The following FAM135A variants were observed in gnomAD, a reference collection of about 807,000 sequenced individuals.
FAM135A encodes the protein family with sequence similarity 135 member A, also known as protein FAM135A.
Under a neutral mutation model 146.8 loss-of-function variants are expected in FAM135A, and 79 were observed. The observed-to-expected ratio is 0.54, with a 90% CI of 0.45 to 0.65. The LOEUF is 0.65. FAM135A is among the 30% of genes least tolerant of loss of function. FAM135A has a pLI of 0.00. For missense variants in FAM135A, 1,623 were observed against 1,758.2 expected, an observed-to-expected ratio of 0.92 and a Z score of 1.38; for synonymous variants, 562 against 603.6, an observed-to-expected ratio of 0.93 and a Z score of 1.01.
intron 12 of FAM135A, among the ~76,000 whole-genome samples, chr6:70,519,436 G>A (rs1360717401): frequency 6.6e-6 from 1 of 152,224 alleles, no homozygotes; most frequent in African/African-American, 2.4e-5. Flanking sequence ...GGCGAGTCAA[G>A]AGGATTGACT....
rs34753260 is a variant in FAM135A, at chr6:70,544,108, TAAAA to T, written c.4228+5717_4228+5720del. Among the ~76,000 whole-genome samples the T allele has an allele frequency of 2.1e-5, 3 of 145,626 alleles. No individual in the cohort carries two copies. In the East Asian group the frequency reaches 6.0e-4, roughly 29 times the overall value. On this transcript the variant is annotated intron_variant, in intron 20 of 21. Coordinates refer to ENST00000418814, the MANE Select transcript of FAM135A (RefSeq NM_001162529.3). ...GTAGAGTTCAAAACTTAGTAAATGG[TAAAA>T]AAAAAAAAATGAATAAATGACTTAA...
chr6:70,449,041 T>G (rs1776452001), intron 4 of FAM135A, among the ~76,000 whole-genome samples: 7 of 152,240 alleles, frequency 4.6e-5, no homozygotes. Flanking sequence ...TTGGGAGGCC[T>G]GTTCCCAACA....
chr6:70,539,818 A>C (rs1431347897), intron 20 of FAM135A, among the ~76,000 whole-genome samples: 1 of 151,878 alleles, frequency 6.6e-6, no homozygotes, highest in African/African-American at 2.4e-5. Context: ...ACACGGTGAA[A>C]CCCCGTCTCT....
At chr6:70,430,215 T>C (rs1486287504) in intron 4 of FAM135A, among the ~76,000 whole-genome samples, 1 of 151,996 alleles carries the variant, frequency 6.6e-6, no homozygotes, top group Non-Finnish European at 1.5e-5. Flanking sequence ...TGGACGCCTG[T>C]AATCCCAGCT....
Position 70,533,179 on chromosome 6 carries a change from A to C in FAM135A, c.3795A>C (p.Arg1265=). Residue 1265 remains arginine (R), a synonymous_variant, in exon 17 of 22, where the codon CGA becomes CGC. Coordinates refer to ENST00000418814, the MANE Select transcript of FAM135A (RefSeq NM_001162529.3). ...HGLDGNSADL[R]LVKTYIELGL... is the part of the protein sequence containing the mutation. ...TTTTAGGAAACAGTGCAGATCTCCG[A>C]TTAGTAAAAACTTACATTGAACTTG... 1 of 1,612,704 alleles carries C rather than the reference A, an allele frequency of 6.2e-7. No homozygotes were observed. The highest frequency in any genetic ancestry group is 2.2e-5 in the East Asian group (1 of 44,678).
At chr6:70,539,910 G>A (rs1797539763) in intron 20 of FAM135A, among the ~76,000 whole-genome samples, 1 of 152,134 alleles carries the variant, frequency 6.6e-6, no homozygotes, top group Admixed American at 6.5e-5. Context: ...GCAGGAGAAT[G>A]GCGTGAACCT....
In FAM135A at chr6:70,514,258, C is replaced by T. The variant is rs556961927; in HGVS notation, c.1030-8255C>T. Among the ~76,000 whole-genome samples, 5 of 152,164 alleles carry T rather than the reference C, an allele frequency of 3.3e-5. No individual in the cohort carries two copies. In the East Asian group the frequency reaches 7.7e-4, roughly 24 times the overall value. Reference sequence around the variant, plus strand: ...ATTCATTAACTCTTTTCTGTAGCAACTAATCTGCTCTTAATCTCATCTAGT... The same window carrying T: ...ATTCATTAACTCTTTTCTGTAGCAATTAATCTGCTCTTAATCTCATCTAGT... On this transcript the variant is annotated intron_variant, in intron 12 of 21. Coordinates refer to ENST00000418814, the MANE Select transcript of FAM135A (RefSeq NM_001162529.3).
chr6:70,442,006 A>T (rs1774616159), intron 4 of FAM135A, among the ~76,000 whole-genome samples: 1 of 152,144 alleles, frequency 6.6e-6, no homozygotes, highest in Admixed American at 6.5e-5. Flanking sequence ...TATAAGAAAA[A>T]TGCATCATTA....
At position 70,517,313 on chromosome 6, in the gene FAM135A, T is replaced by C. The variant is rs1343325766; in HGVS notation, c.1030-5200T>C. Among the ~76,000 whole-genome samples, 3 of 152,028 alleles carry C rather than the reference T, an allele frequency of 2.0e-5. No individual in the cohort carries two copies. In the East Asian group the frequency reaches 5.8e-4, roughly 29 times the overall value. On this transcript the variant is annotated intron_variant, in intron 12 of 21. Coordinates refer to ENST00000418814, the MANE Select transcript of FAM135A (RefSeq NM_001162529.3). ...TGGGAGGCTGAGGTGAGTGGATCACTTGAGCCCAGGAGTTCCAGACCAGCC... is the reference window on the plus strand; with the variant it reads ...TGGGAGGCTGAGGTGAGTGGATCACCTGAGCCCAGGAGTTCCAGACCAGCC...
intron 8 of FAM135A, among the ~76,000 whole-genome samples, chr6:70,479,473 C>T (rs1009826630): frequency 6.6e-6 from 1 of 152,066 alleles, no homozygotes; most frequent in Non-Finnish European, 1.5e-5. Context: ...TGCCATGGGC[C>T]CTTATATCTA....
Position 70,450,716 on chromosome 6 carries a change from G to GTTTT in FAM135A, c.78-1737_78-1734dup, listed in dbSNP as rs546674936. On this transcript the variant is annotated intron_variant, in intron 4 of 21. Coordinates refer to ENST00000418814, the MANE Select transcript of FAM135A (RefSeq NM_001162529.3). ...CTCAGGGAGTGTGACCCTTTTAGTT[G>GTTTT]TTTTTTTTTTTTTTTTTTTTTTTTT... 9.0e-3 allele frequency among the ~76,000 whole-genome samples: 254 copies of GTTTT among 28,338 alleles called. 88 individuals carry two copies. Among genetic ancestry groups the GTTTT allele is most frequent in the Non-Finnish European group, 0.015 (193 of 13,086 alleles). The allele number at this position is 28,338 out of a possible 152,430, so 18.6% of individuals were successfully genotyped here.
At chr6:70,439,892 C>T (rs369033067) in intron 4 of FAM135A, among the ~76,000 whole-genome samples, 17 of 152,176 alleles carry the variant, frequency 1.1e-4, no homozygotes, top group African/African-American at 4.1e-4. Context: ...CCTGTTGTTC[C>T]CCCCAGCTGT....
chr6:70,454,171 T>C (rs1777759948), intron 5 of FAM135A, among the ~76,000 whole-genome samples: 1 of 152,242 alleles, frequency 6.6e-6, no homozygotes, highest in South Asian at 2.1e-4. Context: ...GATGAGCATT[T>C]TTTCATGTGT....
chr6:70,521,816 C>T (rs1793643293), intron 12 of FAM135A, among the ~76,000 whole-genome samples: 1 of 152,152 alleles, frequency 6.6e-6, no homozygotes, highest in Non-Finnish European at 1.5e-5. Flanking sequence ...AAATGTTCAG[C>T]TAGATTCAAC....
At position 70,491,064 on chromosome 6, in the gene FAM135A, A is replaced by G. The variant is rs150077103; in HGVS notation, c.854A>G (p.Glu285Gly). The change falls in exon 11 of 22, where the codon GAA (glutamate) becomes GGA (glycine). Residue 285 changes from glutamate to glycine, a missense_variant. By Grantham distance (98) the Glu-to-Gly change is moderately conservative. Transcript: ENST00000418814. Reference sequence around the variant, plus strand: ...ATGGATGTAGAAGCTCGACTTACTGAACTATGTGAAGAAGTTAAGGTACTT... The same window carrying G: ...ATGGATGTAGAAGCTCGACTTACTGGACTATGTGAAGAAGTTAAGGTACTT... ...EEMDVEARLT[E>G]LCEEVKKIEN... 3.7e-6 allele frequency: 6 copies of G among 1,602,926 alleles called. No homozygotes were observed. In the South Asian group the frequency reaches 5.6e-5, roughly 15 times the overall value.
intron 11 of FAM135A, among the ~76,000 whole-genome samples, chr6:70,492,035 T>G (rs571635718): frequency 1.3e-5 from 2 of 151,994 alleles, no homozygotes; most frequent in East Asian, 3.9e-4. Flanking sequence ...TTTAAAATCA[T>G]TTCAAGAAAT....
intron 12 of FAM135A, among the ~76,000 whole-genome samples, chr6:70,506,003 G>A (rs1789683832): frequency 6.6e-6 from 1 of 152,070 alleles, no homozygotes; most frequent in Non-Finnish European, 1.5e-5. Flanking sequence ...TAATGGTCTG[G>A]CATCATCTTA....
intron 15 of FAM135A, 104 bp downstream of exon 15, chr6:70,526,802 C>CACACAT (rs1554161866): frequency 1.2e-4 from 63 of 528,178 alleles, no homozygotes; most frequent in African/African-American, 7.5e-4. Context: ...CACACACACA[C>CACACAT]ATATATATAT....
At chr6:70,445,653 T>C (rs976434245) in intron 4 of FAM135A, among the ~76,000 whole-genome samples, 1 of 152,238 alleles carries the variant, frequency 6.6e-6, no homozygotes, top group Admixed American at 6.5e-5. Context: ...GCACAGATTG[T>C]TCATGCTATT....
Sources: allele counts gnomAD v4.1 joint callset (sites outside exome capture counted in the v4.1 genomes callset), GRCh38; gene constraint gnomAD v4.1.1; transcripts MANE v1.5; gene names NCBI Gene and HGNC (gene_info 2026-07-23, HGNC 2026-07-21).